Variants in DMD observed in about 807,000 individuals in gnomAD.
DMD encodes the protein mutant dystrophin.
Under a neutral mutation model 330.1 loss-of-function variants are expected in DMD, and 63 were observed. That is an observed-to-expected ratio of 0.19 (90% CI 0.16 to 0.24). DMD has a LOEUF of 0.24. Among genes scored for constraint, DMD ranks in the 10% least tolerant of loss-of-function variants. The probability of loss-of-function intolerance (pLI) is 1.00; values close to 1 mark genes in which losing one functional copy is unlikely to be tolerated. For missense variants in DMD, 3,344 were observed against 2,684.1 expected (o/e 1.25, Z -5.43); for synonymous variants, 1,223 against 959.8 (o/e 1.27, Z -5.07).
intron 1 of DMD, among the ~76,000 whole-genome samples, chrX:33,235,088 G>T (rs2052452694): frequency 8.9e-6 from 1 of 111,962 alleles, no homozygotes; most frequent in African/African-American, 3.3e-5. Context: ...CTGGAGGGTT[G>T]GGATTGGGGG....
intron 61 of DMD, among the ~76,000 whole-genome samples, chrX:31,338,530 T>C (rs904112813): frequency 1.8e-5 from 2 of 109,923 alleles, no homozygotes; most frequent in Non-Finnish European, 3.8e-5. Flanking sequence ...TCTCCAGAGC[T>C]CCCTGTGGGA....
intron 56 of DMD, among the ~76,000 whole-genome samples, chrX:31,498,443 T>C (rs961641268): frequency 8.9e-6 from 1 of 112,346 alleles, no homozygotes; most frequent in African/African-American, 3.2e-5. Context: ...ATTCATACAG[T>C]AAAATCCTTT....
intron 1 of DMD, among the ~76,000 whole-genome samples, chrX:33,067,253 T>G (rs939837905): frequency 7.1e-5 from 8 of 112,410 alleles, no homozygotes; most frequent in African/African-American, 2.6e-4. Context: ...TTGAAAATTC[T>G]GTATTTAATG....
At chrX:32,867,369 T>C (rs926947854) in intron 2 of DMD, among the ~76,000 whole-genome samples, 4 of 112,133 alleles carry the variant, frequency 3.6e-5, no homozygotes, top group Non-Finnish European at 7.5e-5. Flanking sequence ...TTAGTGTTTC[T>C]AGAAAAATGC....
chrX:32,314,277 A>T (rs774491260), intron 41 of DMD, among the ~76,000 whole-genome samples: 4 of 111,924 alleles, frequency 3.6e-5, no homozygotes, highest in Admixed American at 9.5e-5. Context: ...GACAAACCTG[A>T]CAAAAACAAG....
At chrX:33,332,591 A>G (rs1280636678) in intron 1 of DMD, among the ~76,000 whole-genome samples, 1 of 111,428 alleles carries the variant, frequency 9.0e-6, no homozygotes, top group Non-Finnish European at 1.9e-5. Context: ...ACTTTTGGCT[A>G]TTTGATGACA....
At chrX:32,870,958 CAAAAAAAAAAAA>C (rs745583714) in intron 2 of DMD, among the ~76,000 whole-genome samples, 7 of 14,768 alleles carry the variant, frequency 4.7e-4, no homozygotes, top group African/African-American at 1.7e-3. Flanking sequence ...TTCTGTACAG[CAAAAAAAAAAAA>C]AAAAAAAAAA....
At chrX:33,058,901 G>T (rs752100480) in intron 1 of DMD, among the ~76,000 whole-genome samples, 1 of 111,309 alleles carries the variant, frequency 9.0e-6, no homozygotes, top group African/African-American at 3.3e-5. Flanking sequence ...CAAATATTTT[G>T]CCAACTTTTA....
chrX:32,683,683 A>G (rs1331638287), intron 9 of DMD, among the ~76,000 whole-genome samples: 1 of 104,455 alleles, frequency 9.6e-6, no homozygotes, highest in Non-Finnish European at 2.0e-5. Context: ...TAGGAGATAT[A>G]CCTAATGTTA....
intron 44 of DMD, among the ~76,000 whole-genome samples, chrX:32,118,662 A>C (rs1603626220): frequency 9.0e-6 from 1 of 110,958 alleles, no homozygotes; most frequent in Admixed American, 9.6e-5. Context: ...AGTCACCTGG[A>C]AATTTTGATG....
At chrX:33,074,809 G>C (rs1421050647) in intron 1 of DMD, among the ~76,000 whole-genome samples, 1 of 111,245 alleles carries the variant, frequency 9.0e-6, no homozygotes, top group Admixed American at 9.6e-5. Context: ...AAATTATAAC[G>C]GTGAGAAAAT....
intron 2 of DMD, among the ~76,000 whole-genome samples, chrX:32,859,733 T>C (rs2081932610): frequency 9.0e-6 from 1 of 111,344 alleles, no homozygotes; most frequent in Admixed American, 9.6e-5. Flanking sequence ...TATTTTTAAG[T>C]ATTCTTTTGT....
At chrX:32,630,454 AC>A (rs1246356872) in intron 11 of DMD, among the ~76,000 whole-genome samples, 3 of 108,812 alleles carry the variant, frequency 2.8e-5, no homozygotes, top group Non-Finnish European at 5.7e-5. Flanking sequence ...ATCTTCTTGT[AC>A]TTGAATTTTA....
intron 7 of DMD, among the ~76,000 whole-genome samples, chrX:32,784,008 G>A (rs900104471): frequency 9.9e-5 from 2 of 20,168 alleles, no homozygotes; most frequent in African/African-American, 9.4e-4. Flanking sequence ...AGCGGGGGTG[G>A]GGGGGGGAAA....
chrX:32,905,379 C>A (rs1427076217), intron 2 of DMD, among the ~76,000 whole-genome samples: 1 of 111,405 alleles, frequency 9.0e-6, no homozygotes, highest in East Asian at 2.8e-4. Flanking sequence ...TTCCAGTTAC[C>A]ATAAAAAGAC....
chrX:33,053,757 G>T (rs778674625), intron 1 of DMD, among the ~76,000 whole-genome samples: 140 of 111,367 alleles, frequency 1.3e-3, no homozygotes, highest in Non-Finnish European at 1.9e-3. Context: ...TGGGTAAAAA[G>T]TTGAGGTGGG....
chrX:32,599,711 TC>T (rs1311014655), intron 12 of DMD, among the ~76,000 whole-genome samples: 1 of 111,769 alleles, frequency 8.9e-6, no homozygotes, highest in Admixed American at 9.5e-5. Flanking sequence ...ATTAAAAGCT[TC>T]CAGATTGTAC....
At chrX:32,929,279 C>T (rs1275441762) in intron 2 of DMD, among the ~76,000 whole-genome samples, 1 of 111,314 alleles carries the variant, frequency 9.0e-6, no homozygotes, top group Admixed American at 9.6e-5. Context: ...TCAGCTGTGT[C>T]CAAACCATAT....
intron 76 of DMD, 34 bp downstream of exon 76, chrX:31,146,257 G>A (rs1210274100): frequency 8.3e-7 from 1 of 1,204,244 alleles, no homozygotes; most frequent in Non-Finnish European, 1.1e-6. Flanking sequence ...CCTTTCTTCA[G>A]ACAACAAAAT....
Sources: allele counts gnomAD v4.1 joint callset (sites outside exome capture counted in the v4.1 genomes callset), GRCh38; gene constraint gnomAD v4.1.1; transcripts MANE v1.5; gene names NCBI Gene and HGNC (gene_info 2026-07-23, HGNC 2026-07-21).